Variants in NT5C1B observed in about 807,000 individuals in gnomAD.
NT5C1B encodes the protein 5'-nucleotidase, cytosolic IB.
Under a neutral mutation model 57.8 loss-of-function variants are expected in NT5C1B, and 44 were observed. The observed-to-expected ratio is 0.76, with a 90% CI of 0.60 to 0.98. NT5C1B has a LOEUF of 0.98. Among genes scored for constraint, NT5C1B ranks in the 50% least tolerant of loss-of-function variants. The pLI is 0.00. For synonymous variants in NT5C1B, 284 were observed against 282.6 expected (o/e 1.00, Z -0.05); for missense variants, 742 against 719.5 (o/e 1.03, Z -0.36).
At chr2:18,588,041 C>T (rs930353587) in intron 1 of NT5C1B, among the ~76,000 whole-genome samples, 7 of 152,128 alleles carry the variant, frequency 4.6e-5, no homozygotes, top group African/African-American at 1.7e-4. Context: ...CTAGCCTCAC[C>T]AATATTAGTT....
intron 6 of NT5C1B, among the ~76,000 whole-genome samples, chr2:18,577,492 C>A (rs1665805165): frequency 6.9e-6 from 1 of 145,128 alleles, no homozygotes; most frequent in African/African-American, 2.6e-5. Flanking sequence ...AAACAACCAA[C>A]CTGCTCCTGA....
At chr2:18,576,494 C>A in intron 7 of NT5C1B, 126 bp from the exon 8 acceptor site, 1 of 1,326,802 alleles carries the variant, frequency 7.5e-7, no homozygotes, top group Non-Finnish European at 1.0e-6. Context: ...TGGCTCAACT[C>A]CTCTTCACAA....
At chr2:18,580,833 C>T (rs1321709422) in intron 6 of NT5C1B, among the ~76,000 whole-genome samples, 1 of 152,102 alleles carries the variant, frequency 6.6e-6, no homozygotes, top group East Asian at 1.9e-4. Flanking sequence ...TGAATTAATG[C>T]AGCAACAGAA....
intron 8 of NT5C1B, among the ~76,000 whole-genome samples, chr2:18,571,781 G>T (rs1665212515): frequency 8.1e-6 from 1 of 124,192 alleles, no homozygotes; most frequent in Admixed American, 8.4e-5. Flanking sequence ...TTTTAACAAA[G>T]TTGAAGTATT....
chr2:18,581,070 C>T (rs1211142112), intron 6 of NT5C1B, among the ~76,000 whole-genome samples: 1 of 152,240 alleles, frequency 6.6e-6, no homozygotes, highest in African/African-American at 2.4e-5. Flanking sequence ...AGTGAATTAT[C>T]ATCATTCAAC....
chr2:18,587,341 A>C (rs1666813223), intron 2 of NT5C1B, 162 bp downstream of exon 2: 1 of 985,320 alleles, frequency 1.0e-6, no homozygotes, highest in African/African-American at 1.7e-5. Context: ...GGCAGGGCCC[A>C]ACCTTTCCTA....
chr2:18,571,017 T>C (rs141533147), intron 8 of NT5C1B, among the ~76,000 whole-genome samples: 1 of 152,184 alleles, frequency 6.6e-6, no homozygotes, highest in African/African-American at 2.4e-5. Flanking sequence ...CCCAAACAGC[T>C]AGAAAGAGAA....
At position 18,587,420 on chromosome 2, in the gene NT5C1B, C is replaced by T. The variant is rs1288179743; in HGVS notation, c.120+83G>A. On this transcript the variant is annotated intron_variant, in intron 2 of 8. Transcript: ENST00000304081. ...AATTCTCAACAGCTTGGTCTTCTCT[C>T]CCAGAACTCCCTGCCCCCTAACATT... 19 of 1,574,366 alleles carry T rather than the reference C, an allele frequency of 1.2e-5. No homozygotes were observed. The East Asian group carries it at 3.8e-4, about 31-fold the overall frequency.
chr2:18,569,122 G>A (rs145658491), intron 8 of NT5C1B, among the ~76,000 whole-genome samples: 21 of 152,254 alleles, frequency 1.4e-4, no homozygotes, highest in Admixed American at 5.9e-4. Flanking sequence ...TTGGCAGTTC[G>A]TTGTTGCAAG....
intron 8 of NT5C1B, among the ~76,000 whole-genome samples, chr2:18,573,140 A>C (rs1665360455): frequency 6.6e-6 from 1 of 152,194 alleles, no homozygotes; most frequent in Non-Finnish European, 1.5e-5. Context: ...GTACTGATAC[A>C]TGCAATGACA....
At chr2:18,566,824 C>A (rs1178196927) in intron 8 of NT5C1B, among the ~76,000 whole-genome samples, 1 of 152,130 alleles carries the variant, frequency 6.6e-6, no homozygotes, top group Non-Finnish European at 1.5e-5. Context: ...AAACTCCAAT[C>A]TAAAAAATAA....
At chr2:18,574,383 T>C (rs1250707362) in intron 8 of NT5C1B, among the ~76,000 whole-genome samples, 2 of 152,090 alleles carry the variant, frequency 1.3e-5, no homozygotes, top group African/African-American at 2.4e-5. Context: ...TGGGCAGAAA[T>C]GTCAAATGGT....
intron 7 of NT5C1B, 51 bp downstream of exon 7, chr2:18,576,722 C>A: frequency 6.2e-7 from 1 of 1,602,020 alleles, no homozygotes; most frequent in Non-Finnish European, 8.5e-7. Flanking sequence ...ATGTAAGTCA[C>A]CATTAGTGTA....
chr2:18,588,300 A>G (rs1160537402), intron 1 of NT5C1B, among the ~76,000 whole-genome samples: 1 of 152,234 alleles, frequency 6.6e-6, no homozygotes, highest in Non-Finnish European at 1.5e-5. Flanking sequence ...GAACTGTTTC[A>G]TGCTAAGTAA....
intron 6 of NT5C1B, among the ~76,000 whole-genome samples, chr2:18,579,118 A>G (rs1665954455): frequency 6.6e-6 from 1 of 152,154 alleles, no homozygotes; most frequent in African/African-American, 2.4e-5. Flanking sequence ...ATTACAAAAC[A>G]CTGCGGAAAA....
chr2:18,563,953 A>G lies in NT5C1B; in HGVS notation c.1496T>C (p.Ile499Thr), dbSNP rs146822895. The change falls in exon 9 of 9, where the codon ATA (isoleucine) becomes ACA (threonine). Residue 499 changes from isoleucine to threonine, a missense_variant. Ile to Thr is a moderately conservative substitution (Grantham distance 89). Transcript: ENST00000304081. ...TCCAGCAAGGAAAAGAGCTTCGTCT[A>G]TCTCTAGACCCCAGCGTCGAAGGGT... is the stretch of plus-strand genomic sequence containing the variant. 6 of 1,614,096 alleles carry G rather than the reference A, an allele frequency of 3.7e-6. No individual in the cohort carries two copies. The African/African-American group carries it at 4.0e-5, about 11-fold the overall frequency.
intron 8 of NT5C1B, among the ~76,000 whole-genome samples, chr2:18,574,814 T>C (rs1665530819): frequency 6.6e-6 from 1 of 152,102 alleles, no homozygotes; most frequent in Non-Finnish European, 1.5e-5. Context: ...ATATGCTAAG[T>C]ATTCTTACCA....
intron 6 of NT5C1B, among the ~76,000 whole-genome samples, chr2:18,577,484 A>ACAACCAAC (rs1364703066): frequency 6.6e-6 from 1 of 151,746 alleles, no homozygotes; most frequent in Non-Finnish European, 1.5e-5. Context: ...TGGAAAGTAA[A>ACAACCAAC]CAACCAACCT....
At chr2:18,567,691 A>C (rs978190175) in intron 8 of NT5C1B, among the ~76,000 whole-genome samples, 1 of 152,200 alleles carries the variant, frequency 6.6e-6, no homozygotes, top group East Asian at 1.9e-4. Flanking sequence ...GATTGATTCA[A>C]TCTATCACAA....
Sources: gnomAD v4.1 joint callset for allele counts (sites outside exome capture counted in the v4.1 genomes callset) on GRCh38, gnomAD v4.1.1 for gene constraint, MANE v1.5 for transcripts, NCBI Gene and HGNC (gene_info 2026-07-23, HGNC 2026-07-21) for gene names.